Variants in KLHL29 observed in about 807,000 individuals in gnomAD.
KLHL29 encodes kelch like family member 29.
A neutral mutation model predicts 80.4 loss-of-function variants in KLHL29; 21 were observed. The ratio of observed to expected loss-of-function variants is 0.26; its 90% CI spans 0.19 to 0.38. KLHL29 has a LOEUF of 0.38. Ranked by LOEUF, KLHL29 falls within the 10% of genes least tolerant of loss-of-function variation. The probability of loss-of-function intolerance (pLI) is 1.00; values close to 1 mark genes in which losing one functional copy is unlikely to be tolerated. For missense variants in KLHL29, 867 were observed against 1,223.9 expected, an observed-to-expected ratio of 0.71 and a Z score of 4.35; for synonymous variants, 511 against 526.8, an observed-to-expected ratio of 0.97 and a Z score of 0.41.
At chr2:23,475,798 G>A (rs1453878402) in intron 2 of KLHL29, 131 bp downstream of exon 2, 2 of 155,558 alleles carry the variant, frequency 1.3e-5, no homozygotes, top group African/African-American at 4.8e-5. Context: ...CTCTTCCTCA[G>A]TGCGATTTTA....
chr2:23,639,904 C>T (rs1040811997), intron 4 of KLHL29, among the ~76,000 whole-genome samples: 2 of 152,214 alleles, frequency 1.3e-5, no homozygotes, highest in South Asian at 4.1e-4. Context: ...CCATGCCCCA[C>T]AGCCCATAGA....
At chr2:23,593,865 G>C (rs772415899) in intron 3 of KLHL29, among the ~76,000 whole-genome samples, 5 of 152,218 alleles carry the variant, frequency 3.3e-5, no homozygotes, top group South Asian at 2.1e-4. Flanking sequence ...GTGGCCAGGC[G>C]TGTCGCCTAC....
chr2:23,519,018 G>T (rs1229831146), intron 2 of KLHL29, among the ~76,000 whole-genome samples: 1 of 152,108 alleles, frequency 6.6e-6, no homozygotes, highest in East Asian at 1.9e-4. Flanking sequence ...TGAGGGCTGG[G>T]CTGCCAGGCG....
At chr2:23,469,920 G>A (rs1381705388) in intron 1 of KLHL29, among the ~76,000 whole-genome samples, 1 of 151,856 alleles carries the variant, frequency 6.6e-6, no homozygotes, top group Middle Eastern at 3.4e-3. Context: ...TTAACTGGTA[G>A]AGTGAGGGTG....
chr2:23,602,120 C>G (rs558483803), intron 3 of KLHL29, among the ~76,000 whole-genome samples: 1 of 152,190 alleles, frequency 6.6e-6, no homozygotes, highest in Non-Finnish European at 1.5e-5. Context: ...TGTGCCATGA[C>G]GAGCACAGAG....
chr2:23,526,450 C>G (rs916843519), intron 2 of KLHL29, among the ~76,000 whole-genome samples: 1 of 152,120 alleles, frequency 6.6e-6, no homozygotes, highest in Non-Finnish European at 1.5e-5. Context: ...CTGCAGGGGC[C>G]GGGGGAGGAG....
At chr2:23,661,543 C>G (rs1331229458) in intron 5 of KLHL29, among the ~76,000 whole-genome samples, 1 of 152,228 alleles carries the variant, frequency 6.6e-6, no homozygotes, top group Non-Finnish European at 1.5e-5. Context: ...GCCCGAACCC[C>G]TCCTGGCATG....
At position 23,675,369 on chromosome 2, in the gene KLHL29, G is replaced by T. The variant is rs375423351; in HGVS notation, c.941-9030G>T. Among the ~76,000 whole-genome samples, 3 of 152,268 alleles carry T rather than the reference G, an allele frequency of 2.0e-5. No individual in the cohort carries two copies. The South Asian group carries it at 6.2e-4, about 32-fold the overall frequency. ...TCTGCAATGCCCACCCTCTGGCCAG[G>T]TTCCTTGGGCTGGGATGGGGTCCTG... On this transcript the variant is annotated intron_variant, in intron 5 of 13. Transcript: ENST00000486442.
At chr2:23,615,177 G>A (rs1032544446) in intron 3 of KLHL29, among the ~76,000 whole-genome samples, 4 of 152,194 alleles carry the variant, frequency 2.6e-5, no homozygotes, top group Non-Finnish European at 5.9e-5. Flanking sequence ...CCTTCTCCTG[G>A]GCTTCGGCTT....
intron 1 of KLHL29, among the ~76,000 whole-genome samples, chr2:23,462,065 G>A (rs1469985561): frequency 6.6e-6 from 1 of 150,590 alleles, no homozygotes; most frequent in African/African-American, 2.5e-5. Context: ...CCCATGAGAA[G>A]AGATTTTTGT....
At chr2:23,553,610 T>C (rs778544758) in intron 2 of KLHL29, among the ~76,000 whole-genome samples, 9 of 152,216 alleles carry the variant, frequency 5.9e-5, no homozygotes, top group Non-Finnish European at 1.2e-4. Flanking sequence ...CAGGGCTAGA[T>C]GGTGAGGCGT....
chr2:23,512,526 T>A (rs987807467), intron 2 of KLHL29, among the ~76,000 whole-genome samples: 1 of 152,272 alleles, frequency 6.6e-6, no homozygotes, highest in African/African-American at 2.4e-5. Flanking sequence ...TAAAAGAAGT[T>A]TAGAATGATA....
intron 2 of KLHL29, among the ~76,000 whole-genome samples, chr2:23,526,337 C>T (rs1392285833): frequency 3.9e-5 from 6 of 152,118 alleles, no homozygotes; most frequent in Non-Finnish European, 7.3e-5. Context: ...GGGGTGGCAT[C>T]GAAGGCAGAG....
intron 1 of KLHL29, among the ~76,000 whole-genome samples, chr2:23,437,974 CTT>C (rs1663395147): frequency 6.6e-6 from 1 of 152,012 alleles, no homozygotes; most frequent in Non-Finnish European, 1.5e-5. Context: ...TTTGTATCCT[CTT>C]TTATTTCATT....
intron 3 of KLHL29, among the ~76,000 whole-genome samples, chr2:23,633,243 C>T (rs1281018020): frequency 1.3e-5 from 2 of 152,168 alleles, no homozygotes; most frequent in Non-Finnish European, 2.9e-5. Context: ...CATCCAAGGC[C>T]ACTTCACACC....
intron 3 of KLHL29, among the ~76,000 whole-genome samples, chr2:23,619,244 G>T (rs536170904): frequency 6.6e-6 from 1 of 152,230 alleles, no homozygotes; most frequent in Non-Finnish European, 1.5e-5. Context: ...AGCAGGTGAG[G>T]CTCTGAGCTA....
chr2:23,452,167 G>C (rs531123526), intron 1 of KLHL29, among the ~76,000 whole-genome samples: 1 of 149,012 alleles, frequency 6.7e-6, no homozygotes, highest in African/African-American at 2.5e-5. Context: ...ATGTCCCACC[G>C]TGCCCAGAAA....
In KLHL29 at chr2:23,447,967, A is replaced by G. The variant is rs528160272; in HGVS notation, c.-153-27593A>G. Among the ~76,000 whole-genome samples, 76 of 152,306 alleles carry G rather than the reference A, an allele frequency of 5.0e-4. No individual in the cohort carries two copies. In the South Asian group the frequency reaches 7.7e-3, roughly 15 times the overall value. Reference sequence around the variant, plus strand: ...ATAAGGGATTATGAGCCTGGAGGAAATCAGAGGCTGGAGATGCCTGTAATT... The same window carrying G: ...ATAAGGGATTATGAGCCTGGAGGAAGTCAGAGGCTGGAGATGCCTGTAATT... On this transcript the variant is annotated intron_variant, in intron 1 of 13. Coordinates refer to ENST00000486442, the MANE Select transcript of KLHL29 (RefSeq NM_052920.2).
chr2:23,443,680 G>C (rs145743302), intron 1 of KLHL29, among the ~76,000 whole-genome samples: 1 of 152,106 alleles, frequency 6.6e-6, no homozygotes, highest in African/African-American at 2.4e-5. Flanking sequence ...TGCACTTTTC[G>C]TAAGAATATT....
Sources: gnomAD v4.1 joint callset for allele counts (sites outside exome capture counted in the v4.1 genomes callset) on GRCh38, gnomAD v4.1.1 for gene constraint, MANE v1.5 for transcripts, NCBI Gene and HGNC (gene_info 2026-07-23, HGNC 2026-07-21) for gene names.